IDH3A: variants seen among roughly 807,000 people sequenced by gnomAD.
The protein encoded by IDH3A is isocitrate dehydrogenase (NAD(+)) 3 catalytic subunit alpha.
A neutral mutation model predicts 43.3 loss-of-function variants in IDH3A; 23 were observed. That is an observed-to-expected ratio of 0.53 (90% CI 0.38 to 0.75). The LOEUF (loss-of-function observed/expected upper bound fraction) is 0.75. Ranked by LOEUF, IDH3A falls within the 30% of genes least tolerant of loss-of-function variation. IDH3A has a pLI of 0.00. For synonymous variants in IDH3A, 154 were observed against 163.5 expected (o/e 0.94, Z 0.44); for missense variants, 329 against 474.4 (o/e 0.69, Z 2.85).
At chr15:78,164,291 C>G (rs2141300457) in intron 8 of IDH3A, among the ~76,000 whole-genome samples, 1 of 148,930 alleles carries the variant, frequency 6.7e-6, no homozygotes, top group African/African-American at 2.5e-5. Flanking sequence ...CTGTGCTTCT[C>G]TCTCTCTCTC....
chr15:78,149,761 G>A (rs557486960), intron 1 of IDH3A, among the ~76,000 whole-genome samples: 70 of 152,358 alleles, frequency 4.6e-4, no homozygotes, highest in African/African-American at 1.6e-3. Flanking sequence ...CGCCGAGCCC[G>A]GGAAGGTCAC....
At chr15:78,154,941 C>T (rs1375114818) in intron 1 of IDH3A, 1 of 299,582 alleles carries the variant, frequency 3.3e-6, no homozygotes. Flanking sequence ...TTTTATTCTA[C>T]CTTCAACATC....
At chr15:78,154,199 A>C (rs576691974) in intron 1 of IDH3A, among the ~76,000 whole-genome samples, 2 of 150,908 alleles carry the variant, frequency 1.3e-5, no homozygotes, top group South Asian at 2.2e-4. Flanking sequence ...AAAAAAAAAA[A>C]AAAACACGTA....
chr15:78,162,487 T>C, intron 6 of IDH3A, 120 bp downstream of exon 6: 2 of 1,056,324 alleles, frequency 1.9e-6, no homozygotes, highest in Non-Finnish European at 2.7e-6. Context: ...AAAAGAACTT[T>C]GTAACAATCC....
At chr15:78,152,730 T>C (rs2074589952) in intron 1 of IDH3A, among the ~76,000 whole-genome samples, 1 of 152,180 alleles carries the variant, frequency 6.6e-6, no homozygotes, top group Admixed American at 6.5e-5. Context: ...TTTATTTTAC[T>C]TAAAGTTCTG....
Position 78,169,083 on chromosome 15 carries a change from T to C in IDH3A, c.*78T>C. ...CCTCTGTTTAGAATACCTACGTATG[T>C]ATGCATTGGTTTGCTTGTTTCTTGA... On this transcript the variant is annotated 3_prime_UTR_variant, in exon 11 of 11. Coordinates refer to ENST00000299518, the MANE Select transcript of IDH3A (RefSeq NM_005530.3). 1.2e-6 allele frequency: 1 copy of C among 824,212 alleles called. No individual in the cohort carries two copies. 51.1% of individuals were successfully genotyped at this position (824,212 alleles called of 1,614,324 possible).
chr15:78,157,768 T>C (rs904365162), intron 3 of IDH3A, 137 bp downstream of exon 3: 8 of 601,278 alleles, frequency 1.3e-5, no homozygotes, highest in Non-Finnish European at 1.8e-5. Context: ...TCTCCACCGA[T>C]TGTCACTTTA....
At chr15:78,157,681 C>T in intron 3 of IDH3A, 50 bp downstream of exon 3, 10 of 1,307,992 alleles carry the variant, frequency 7.6e-6, no homozygotes, top group Non-Finnish European at 1.1e-5. Context: ...GAAAAGTTTT[C>T]TTAGCCAGTT....
rs758030977 is a variant in IDH3A, at chr15:78,149,386, G to C, written c.-18G>C. ...CACTGCCGCTGCGGCTGTTGCTGCG[G>C]AGCCAGGAGGGGAAGCGATGGCTGG... On this transcript the variant is annotated 5_prime_UTR_variant, in exon 1 of 11. Coordinates refer to ENST00000299518, the MANE Select transcript of IDH3A (RefSeq NM_005530.3). 3 of 1,539,616 alleles carry C rather than the reference G, an allele frequency of 1.9e-6. No homozygotes were observed. The highest frequency in any genetic ancestry group is 1.2e-5 in the South Asian group (1 of 83,838).
Position 78,160,223 on chromosome 15 carries a change from G to T in IDH3A, c.289+17G>T. The T allele has an allele frequency of 6.9e-7, 1 of 1,444,126 alleles. No homozygotes were observed. The highest frequency in any genetic ancestry group is 9.8e-7 in the Non-Finnish European group (1 of 1,025,124). 89.5% of individuals were successfully genotyped at this position (1,444,126 alleles called of 1,614,324 possible). ...GCTTGAAAGGTAGCACTGAAGTAGA[G>T]ACGGGGGTTTTTACAGATTTCCGCT... On this transcript the variant is annotated intron_variant, in intron 4 of 10. Transcript: ENST00000299518.
At chr15:78,168,536 G>T (rs915928644) in intron 10 of IDH3A, 7 of 155,194 alleles carry the variant, frequency 4.5e-5, no homozygotes. Context: ...TATGTCTCAG[G>T]TCTATTCCTG....
At chr15:78,154,597 T>C (rs1392664981) in intron 1 of IDH3A, 2 of 152,220 alleles carry the variant, frequency 1.3e-5, no homozygotes, top group Non-Finnish European at 1.5e-5. Context: ...GGTGTCGTGG[T>C]GCACACCTGT....
At chr15:78,153,774 T>C (rs779304886) in intron 1 of IDH3A, among the ~76,000 whole-genome samples, 1 of 152,190 alleles carries the variant, frequency 6.6e-6, no homozygotes, top group Non-Finnish European at 1.5e-5. Context: ...ATCCCAGCAC[T>C]TTGGGTGTCC....
At chr15:78,155,390 GC>G in intron 2 of IDH3A, 115 bp downstream of exon 2, 1 of 662,466 alleles carries the variant, frequency 1.5e-6, no homozygotes, top group Non-Finnish European at 2.5e-6. Context: ...GGGAAAATTG[GC>G]CATATTTATA....
rs2074676794 is a variant in IDH3A at position 78,161,016 on chromosome 15, G to C, written c.290-565G>C. On this transcript the variant is annotated intron_variant, in intron 4 of 10. Transcript: ENST00000299518. This position sits in a 1 kb window ranked among gnomAD's most constrained non-coding sequence, Gnocchi z 4.8. ...CCTGCCTCAGCCTCCTAAGTAGCTG[G>C]GATTACAGGCACACACCACAACGCC... Among the ~76,000 whole-genome samples the C allele has an allele frequency of 6.6e-6, 1 of 152,146 alleles. No homozygotes were observed. Among genetic ancestry groups the C allele is most frequent in the Non-Finnish European group, 1.5e-5 (1 of 68,030 alleles).
At chr15:78,165,667 T>G (rs764244135) in intron 9 of IDH3A, among the ~76,000 whole-genome samples, 8 of 145,598 alleles carry the variant, frequency 5.5e-5, no homozygotes, top group Non-Finnish European at 1.0e-4. Context: ...CTTTAGCTCT[T>G]TATTTCTCCA....
intron 8 of IDH3A, among the ~76,000 whole-genome samples, chr15:78,164,334 T>C (rs1174905528): frequency 3.4e-5 from 5 of 148,014 alleles, no homozygotes; most frequent in Non-Finnish European, 6.0e-5. Context: ...ACATAAGATG[T>C]TGGCCAAATG....
At position 78,171,397 on chromosome 15, in the gene IDH3A, G is replaced by C. The variant is rs199991915; in HGVS notation, c.*2392G>C. 2.6e-6 allele frequency: 4 copies of C among 1,533,846 alleles called. No individual in the cohort carries two copies. In the African/African-American group the frequency reaches 5.5e-5, roughly 21 times the overall value. On this transcript the variant is annotated 3_prime_UTR_variant, in exon 11 of 11. Transcript: ENST00000299518. The stretch of plus-strand genomic sequence containing the variant: ...AGACCTGGGGCTCAGGAAGAGGCTC[G>C]GAACGCCTGCCCTCTATTCTATAGA...
At position 78,159,982 on chromosome 15, in the gene IDH3A, G is replaced by A. The variant is rs182830222; in HGVS notation, c.175-110G>A. ...TGCACTCTAGCCTAGGCGACAGAGCGGGACTCTATCTCAAAAACGAAGTTG... is the reference window on the plus strand; with the variant it reads ...TGCACTCTAGCCTAGGCGACAGAGCAGGACTCTATCTCAAAAACGAAGTTG... On this transcript the variant is annotated intron_variant, in intron 3 of 10. Transcript: ENST00000299518. 2.9e-4 allele frequency: 203 copies of A among 696,994 alleles called. No homozygotes were observed. In the African/African-American group the frequency reaches 3.3e-3, roughly 11 times the overall value. 43.2% of individuals were successfully genotyped at this position (696,994 alleles called of 1,614,324 possible).
Sources: allele counts gnomAD v4.1 joint callset (sites outside exome capture counted in the v4.1 genomes callset), GRCh38; gene constraint gnomAD v4.1.1; non-coding constraint Gnocchi (gnomAD v3.1); transcripts MANE v1.5; gene names NCBI Gene and HGNC (gene_info 2026-07-23, HGNC 2026-07-21).